Variants in SLC22A9 observed in about 807,000 individuals in gnomAD.
SLC22A9 encodes the protein organic anion transporter 7.
SLC22A9 carries 64 observed loss-of-function variants against 50.1 expected under a neutral mutation model. The observed-to-expected ratio is 1.28, with a 90% CI of 1.04 to 1.57. The LOEUF is 1.57. Ranked by LOEUF, SLC22A9 falls within the 40% of genes most tolerant of loss-of-function variation. The probability of loss-of-function intolerance (pLI) is 0.00; values close to 1 mark genes in which losing one functional copy is unlikely to be tolerated. For synonymous variants in SLC22A9, 261 were observed against 242.5 expected, an observed-to-expected ratio of 1.08 and a Z score of -0.71; for missense variants, 757 against 676.1, an observed-to-expected ratio of 1.12 and a Z score of -1.33.
At chr11:63,404,628 G>C (rs1334900937) in intron 6 of SLC22A9, among the ~76,000 whole-genome samples, 1 of 152,110 alleles carries the variant, frequency 6.6e-6, no homozygotes, top group East Asian at 1.9e-4. Flanking sequence ...AAAATGAATG[G>C]GAGCTGGATG....
At chr11:63,402,092 C>T (rs2014961202) in intron 6 of SLC22A9, among the ~76,000 whole-genome samples, 1 of 152,076 alleles carries the variant, frequency 6.6e-6, no homozygotes, top group African/African-American at 2.4e-5. Context: ...GCTTCCTTTG[C>T]TGTTCAGAAG....
At chr11:63,375,140 A>T (rs2014438356) in intron 4 of SLC22A9, among the ~76,000 whole-genome samples, 1 of 152,194 alleles carries the variant, frequency 6.6e-6, no homozygotes, top group South Asian at 2.1e-4. Context: ...TATTCTCTCC[A>T]TTACATAGAT....
chr11:63,396,121 G>A (rs961886017), intron 6 of SLC22A9, among the ~76,000 whole-genome samples: 5 of 152,052 alleles, frequency 3.3e-5, no homozygotes, highest in Non-Finnish European at 5.9e-5. Flanking sequence ...CCTTCCCCAG[G>A]CTACCCACCT....
chr11:63,408,565 A>T, intron 8 of SLC22A9, 111 bp from the exon 9 acceptor site: 2 of 968,010 alleles, frequency 2.1e-6, no homozygotes, highest in South Asian at 3.4e-5. Flanking sequence ...GGAGTATTTC[A>T]TCACCTCTGT....
chr11:63,387,460 G>C (rs528967513), intron 6 of SLC22A9, among the ~76,000 whole-genome samples: 2 of 152,120 alleles, frequency 1.3e-5, no homozygotes, highest in Admixed American at 6.6e-5. Flanking sequence ...ATAGATGTTT[G>C]GATTTACCTC....
intron 6 of SLC22A9, among the ~76,000 whole-genome samples, chr11:63,403,800 C>A (rs1331677666): frequency 6.6e-6 from 1 of 151,880 alleles, no homozygotes; most frequent in African/African-American, 2.4e-5. Flanking sequence ...TTAGGATTAT[C>A]ATTATCAAAA....
chr11:63,389,595 G>A (rs1010037176), intron 6 of SLC22A9, among the ~76,000 whole-genome samples: 8 of 152,080 alleles, frequency 5.3e-5, no homozygotes, highest in Admixed American at 1.3e-4. Flanking sequence ...TGGGCATTTG[G>A]GTTGGTTCCA....
rs536338068 is a variant in SLC22A9 at position 63,406,695 on chromosome 11, C to G, written c.1272C>G (p.Ile424Met). Residue 424 changes from isoleucine (I) to methionine (M), a missense_variant, in exon 7 of 10, where the codon ATC becomes ATG. Physicochemically the swap from Ile to Met is conservative, Grantham distance 10. Coordinates refer to ENST00000279178, the MANE Select transcript of SLC22A9 (RefSeq NM_080866.3). ...TACTGGCAATCTGCCTTCTGGCCATCATATTTGTGCCACAAGGTGAGAAAA... is the reference window on the plus strand; with the variant it reads ...TACTGGCAATCTGCCTTCTGGCCATGATATTTGTGCCACAAGGTGAGAAAA... Reference protein sequence around the residue: ...MFLLAICLLAIIFVPQEMQTL... With the variant: ...MFLLAICLLAMIFVPQEMQTL... The G allele has an allele frequency of 5.6e-6, 9 of 1,613,470 alleles. No homozygotes were observed. The highest frequency in any genetic ancestry group is 3.3e-5 in the South Asian group (3 of 91,040).
In SLC22A9 at chr11:63,373,937, A is replaced by G. The variant is rs1273507719; in HGVS notation, c.705A>G (p.Thr235=). 8 of 1,613,550 alleles carry G rather than the reference A, an allele frequency of 5.0e-6. No homozygotes were observed. Among genetic ancestry groups the G allele is most frequent in the Non-Finnish European group, 6.8e-6 (8 of 1,179,778 alleles). ...ATHRFQAMGI[T]LGMCPSGIAF... is the part of the protein sequence containing the mutation. The stretch of plus-strand genomic sequence containing the variant: ...ACAGATTCCAGGCCATGGGAATTAC[A>G]TTGGGAATGTGCCCTTCTGGTATTG... Residue 235 remains threonine, a synonymous_variant, in exon 4 of 10, where the codon ACA becomes ACG. Transcript: ENST00000279178.
At chr11:63,378,875 A>G (rs2014511431) in intron 5 of SLC22A9, among the ~76,000 whole-genome samples, 1 of 152,186 alleles carries the variant, frequency 6.6e-6, no homozygotes, top group Non-Finnish European at 1.5e-5. Context: ...AGATGACCAC[A>G]AACAAATGCA....
chr11:63,391,590 G>T (rs929469469), intron 6 of SLC22A9, among the ~76,000 whole-genome samples: 18 of 151,460 alleles, frequency 1.2e-4, no homozygotes, highest in African/African-American at 4.1e-4. Context: ...TTAGACTTTT[G>T]CCTTAAAATC....
At chr11:63,402,289 A>G (rs1333280965) in intron 6 of SLC22A9, among the ~76,000 whole-genome samples, 1 of 152,050 alleles carries the variant, frequency 6.6e-6, no homozygotes, top group Non-Finnish European at 1.5e-5. Flanking sequence ...AATTTTGTAT[A>G]TGGTCAAAGG....
intron 6 of SLC22A9, among the ~76,000 whole-genome samples, chr11:63,391,820 T>A (rs772098148): frequency 8.1e-4 from 122 of 150,528 alleles, no homozygotes; most frequent in Non-Finnish European, 8.5e-4. Flanking sequence ...TTATTGATTT[T>A]AAAAAAAAGA....
At chr11:63,371,301 T>G in intron 2 of SLC22A9, 63 bp downstream of exon 2, 2 of 1,293,286 alleles carry the variant, frequency 1.5e-6, no homozygotes, top group Non-Finnish European at 2.2e-6. Context: ...GAAACATTAT[T>G]TCATCTAGAA....
intron 5 of SLC22A9, among the ~76,000 whole-genome samples, chr11:63,376,969 G>A (rs1162140855): frequency 6.6e-6 from 1 of 152,076 alleles, no homozygotes; most frequent in Non-Finnish European, 1.5e-5. Flanking sequence ...ATTACATAAT[G>A]ATCCAGGGTT....
In SLC22A9 at chr11:63,409,852, C is replaced by T. The variant is rs142543443; in HGVS notation, c.1652C>T (p.Thr551Met). 1.2e-4 allele frequency: 196 copies of T among 1,613,434 alleles called. 2 individuals carry two copies. The highest frequency in any genetic ancestry group is 4.4e-4 in the South Asian group (40 of 91,056). The change falls in exon 10 of 10, where the codon ACG (threonine) becomes ATG (methionine). Residue 551 changes from threonine to methionine, a missense_variant. Thr to Met is a moderately conservative substitution (Grantham distance 81, BLOSUM62 -1). Coordinates refer to ENST00000279178, the MANE Select transcript of SLC22A9 (RefSeq NM_080866.3). ...CAAGAGGATCCGAGAGTGGAAGTGA[C>T]GCAGTTTTAAGGAATTCCAGGAGCT... ...PKQEDPRVEV[T>M]QF
chr11:63,373,050 T>C (rs967903067), intron 2 of SLC22A9, among the ~76,000 whole-genome samples: 1 of 152,110 alleles, frequency 6.6e-6, no homozygotes, highest in Non-Finnish European at 1.5e-5. Flanking sequence ...GGCTATATTG[T>C]TCCAGTTGTC....
Position 63,373,697 on chromosome 11 carries a change from G to GC in SLC22A9, c.561dup (p.Thr188HisfsTer104). On this transcript the variant is annotated frameshift_variant, in exon 3 of 10. Coordinates refer to ENST00000279178, the MANE Select transcript of SLC22A9 (RefSeq NM_080866.3). LOFTEE classifies it high-confidence loss of function. ...TGTTACCTCCAGGTTGCCATTGTTG[G>GC]CACCTGTGCAGCCTTGGCTCCCACC... 1 of 1,609,008 alleles carries GC rather than the reference G, an allele frequency of 6.2e-7. No individual in the cohort carries two copies. The highest frequency in any genetic ancestry group is 8.5e-7 in the Non-Finnish European group (1 of 1,178,210).
At position 63,371,177 on chromosome 11, in the gene SLC22A9, A is replaced by C. The variant is rs1302549795; in HGVS notation, c.445A>C (p.Lys149Gln). The change falls in exon 2 of 10, where the codon AAA becomes CAA. Residue 149 changes from lysine (K) to glutamine (Q), a missense_variant. Coordinates refer to ENST00000279178, the MANE Select transcript of SLC22A9 (RefSeq NM_080866.3). ...CDSQSLTSVA[K>Q]FVFMAGMMVG... Reference sequence around the variant, plus strand: ...CTCTCAATCACTGACTTCAGTGGCTAAATTTGTATTCATGGCTGGAATGAT... The same window carrying C: ...CTCTCAATCACTGACTTCAGTGGCTCAATTTGTATTCATGGCTGGAATGAT... 1.9e-6 allele frequency: 3 copies of C among 1,613,314 alleles called. No homozygotes were observed. In the African/African-American group the frequency reaches 4.0e-5, roughly 22 times the overall value.
Sources: allele counts gnomAD v4.1 joint callset (sites outside exome capture counted in the v4.1 genomes callset), GRCh38; gene constraint gnomAD v4.1.1; transcripts MANE v1.5; gene names NCBI Gene and HGNC (gene_info 2026-07-23, HGNC 2026-07-21).